ARFGEF2: variants seen among roughly 807,000 people sequenced by gnomAD.
The protein encoded by ARFGEF2 is ARF guanine nucleotide exchange factor 2, also known as brefeldin A-inhibited guanine nucleotide-exchange protein 2.
ARFGEF2 carries 74 observed loss-of-function variants against 219.9 expected under a neutral mutation model. The observed-to-expected ratio is 0.34, with a 90% CI of 0.28 to 0.41. The LOEUF (loss-of-function observed/expected upper bound fraction) is 0.41, where lower values mean the gene tolerates loss of function less well. ARFGEF2 is among the 10% of genes least tolerant of loss of function. The pLI is 1.00. For missense variants in ARFGEF2, 1,743 were observed against 2,218.3 expected (o/e 0.79, Z 4.30); for synonymous variants, 733 against 799.2 (o/e 0.92, Z 1.40).
chr20:48,982,723 A>G (rs1437156893), intron 14 of ARFGEF2, among the ~76,000 whole-genome samples: 1 of 152,170 alleles, frequency 6.6e-6, no homozygotes, highest in African/African-American at 2.4e-5. Context: ...TCCCCCTGCC[A>G]GGCTGCTGCC....
intron 30 of ARFGEF2, among the ~76,000 whole-genome samples, chr20:49,015,095 TTTTG>T (rs1391803317): frequency 6.6e-6 from 1 of 152,138 alleles, no homozygotes; most frequent in South Asian, 2.1e-4. Context: ...TTCTAGAATG[TTTTG>T]TTTGTTTGTT....
rs572731597 is a variant in ARFGEF2, at chr20:48,956,402, C to T, written c.838+2612C>T. On this transcript the variant is annotated intron_variant, in intron 6 of 38. Transcript: ENST00000371917. Reference sequence around the variant, plus strand: ...TGGACATCTGTGGTGGCTCACGCCTCCAATCCCAGCACTTTGGGAGGCCAA... The same window carrying T: ...TGGACATCTGTGGTGGCTCACGCCTTCAATCCCAGCACTTTGGGAGGCCAA... Among the ~76,000 whole-genome samples, 10 of 152,112 alleles carry T rather than the reference C, an allele frequency of 6.6e-5. No homozygotes were observed. In the South Asian group the frequency reaches 2.1e-3, roughly 32 times the overall value.
At chr20:48,986,098 G>A (rs938468220) in intron 16 of ARFGEF2, among the ~76,000 whole-genome samples, 6 of 152,274 alleles carry the variant, frequency 3.9e-5, no homozygotes, top group South Asian at 2.1e-4. Flanking sequence ...TGGGCGGTTC[G>A]TGATTTTGTA....
chr20:48,953,626 C>T lies in ARFGEF2; in HGVS notation c.674C>T (p.Ala225Val), dbSNP rs1420852191. ...KPQSPVIQAA[A>V]VSPKFVRLKH... ...CAGTCCCCTGTGATCCAAGCTGCAG[C>T]AGTATCCCCAAAGTTCGTTCGTTTG... is the stretch of plus-strand genomic sequence containing the variant. Residue 225 changes from alanine (A) to valine (V), a missense_variant, in exon 6 of 39, where the codon GCA becomes GTA. Coordinates refer to ENST00000371917, the MANE Select transcript of ARFGEF2 (RefSeq NM_006420.3). 5 of 1,614,166 alleles carry T rather than the reference C, an allele frequency of 3.1e-6. No homozygotes were observed. Among genetic ancestry groups the T allele is most frequent in the Non-Finnish European group, 4.2e-6 (5 of 1,180,040 alleles).
chr20:48,978,903 A>G (rs1246214064), intron 14 of ARFGEF2, among the ~76,000 whole-genome samples: 2 of 152,198 alleles, frequency 1.3e-5, no homozygotes, highest in South Asian at 2.1e-4. Flanking sequence ...TAAACATACA[A>G]TCATGTCATC....
At chr20:48,997,829 G>A (rs1449350306) in intron 23 of ARFGEF2, among the ~76,000 whole-genome samples, 1 of 152,036 alleles carries the variant, frequency 6.6e-6, no homozygotes. Flanking sequence ...GACAGAAGCA[G>A]AATTGCCCTC....
intron 21 of ARFGEF2, 150 bp downstream of exon 21, chr20:48,991,348 A>AT: frequency 2.5e-6 from 3 of 1,179,824 alleles, no homozygotes; most frequent in South Asian, 2.6e-5. Flanking sequence ...TGGGGCTGTG[A>AT]AAGGCGGGGG....
chr20:48,957,444 A>G (rs886720433), intron 6 of ARFGEF2, among the ~76,000 whole-genome samples: 1 of 152,238 alleles, frequency 6.6e-6, no homozygotes, highest in Non-Finnish European at 1.5e-5. Context: ...AGCCTATTCA[A>G]GGTGGCCCTC....
rs200238031 is a variant in ARFGEF2 at position 48,984,729 on chromosome 20, G to A, written c.1959G>A (p.Leu653=). Residue 653 remains leucine (L), a splice_region_variant and synonymous_variant, in exon 15 of 39, where the codon CTG becomes CTA. Transcript: ENST00000371917. ...TGTGTCCCATCTCTGCTTGAAACAG[G>A]TTCAACAAGAAACCCAAGAGGGGGA... The part of the protein sequence containing the change: ...QKEIIEHGIE[L]FNKKPKRGIQ... 12 of 1,614,022 alleles carry A rather than the reference G, an allele frequency of 7.4e-6. No individual in the cohort carries two copies. The highest frequency in any genetic ancestry group is 2.7e-5 in the African/African-American group (2 of 75,014).
In ARFGEF2 at chr20:49,025,258, C is replaced by T. The variant is rs143551002; in HGVS notation, c.4756-55C>T. The T allele has an allele frequency of 8.8e-4, 1,379 of 1,561,036 alleles. 1 individual carries two copies. Among genetic ancestry groups the T allele is most frequent in the Admixed American group, 1.3e-3 (70 of 53,374 alleles). On this transcript the variant is annotated intron_variant, in intron 35 of 38. Transcript: ENST00000371917. Reference sequence around the variant, plus strand: ...ACTGCCGTTGTCTGCAATCACAATGCCCAGAGCATTCCATCTTCTTCATTA... The same window carrying T: ...ACTGCCGTTGTCTGCAATCACAATGTCCAGAGCATTCCATCTTCTTCATTA...
At chr20:49,004,090 C>T (rs769868440) in intron 25 of ARFGEF2, among the ~76,000 whole-genome samples, 7 of 152,060 alleles carry the variant, frequency 4.6e-5, no homozygotes, top group East Asian at 3.8e-4. Context: ...CTCTGCCGGG[C>T]GTGGTGGCTT....
chr20:48,987,563 C>T (rs2123457609), intron 16 of ARFGEF2, among the ~76,000 whole-genome samples: 1 of 152,198 alleles, frequency 6.6e-6, no homozygotes, highest in South Asian at 2.1e-4. Flanking sequence ...TAGCACAGTA[C>T]ATGGCACAAA....
chr20:48,947,608 C>T lies in ARFGEF2; in HGVS notation c.277-3715C>T, dbSNP rs147719307. Among the ~76,000 whole-genome samples, 502 of 152,134 alleles carry T rather than the reference C, an allele frequency of 3.3e-3. 3 individuals carry two copies. Among genetic ancestry groups the T allele is most frequent in the African/African-American group, 0.012 (479 of 41,502 alleles). On this transcript the variant is annotated intron_variant, in intron 3 of 38. Transcript: ENST00000371917. ...AGGCGCAGTAGCTCACGCCTGTAAT[C>T]CCAGCACTTTGGAAGGCCGAGGCAG...
At chr20:48,961,592 G>A (rs184215679) in intron 6 of ARFGEF2, among the ~76,000 whole-genome samples, 2 of 152,132 alleles carry the variant, frequency 1.3e-5, no homozygotes, top group African/African-American at 4.8e-5. Context: ...GGCTGAGCAC[G>A]GTGGCTCACA....
In ARFGEF2 at chr20:48,988,400, T is replaced by C. The variant is rs758072134; in HGVS notation, c.2361+12T>C. 6.2e-6 allele frequency: 10 copies of C among 1,611,888 alleles called. No individual in the cohort carries two copies. Among genetic ancestry groups the C allele is most frequent in the South Asian group, 5.5e-5 (5 of 91,052 alleles). On this transcript the variant is annotated intron_variant, in intron 17 of 38. Coordinates refer to ENST00000371917, the MANE Select transcript of ARFGEF2 (RefSeq NM_006420.3). Reference sequence around the variant, plus strand: ...TGCACAGTCCTCAGGTAAAGCACTTTAATGATTTACATGTTGTATTAGCTA... The same window carrying C: ...TGCACAGTCCTCAGGTAAAGCACTTCAATGATTTACATGTTGTATTAGCTA...
rs778874771 is a variant in ARFGEF2 at position 48,989,565 on chromosome 20, A to G, written c.2695A>G (p.Thr899Ala). ...CTTCCTTCCATGATAGCTGGTGTGG[A>G]CGCCACTATTGGCAGCCTACAGCAT... The part of the protein sequence containing the change: ...HVRPMFKLVW[T>A]PLLAAYSIGL... The change falls in exon 20 of 39, where the codon ACG becomes GCG. Residue 899 changes from threonine (T) to alanine (A), a missense_variant. By Grantham distance (58) the Thr-to-Ala change is moderately conservative. Transcript: ENST00000371917. 1 of 1,614,226 alleles carries G rather than the reference A, an allele frequency of 6.2e-7. No individual in the cohort carries two copies. The highest frequency in any genetic ancestry group is 1.3e-5 in the African/African-American group (1 of 75,062).
chr20:49,009,570 A>G (rs1441428619), intron 26 of ARFGEF2, among the ~76,000 whole-genome samples: 3 of 152,200 alleles, frequency 2.0e-5, no homozygotes, highest in Non-Finnish European at 4.4e-5. Flanking sequence ...TTTGTGAGAT[A>G]ATAAGGTTCC....
At chr20:48,949,504 C>G (rs2091051240) in intron 3 of ARFGEF2, among the ~76,000 whole-genome samples, 1 of 152,202 alleles carries the variant, frequency 6.6e-6, no homozygotes, top group Admixed American at 6.5e-5. Flanking sequence ...ACAGGCCACA[C>G]CCCTCACCTG....
At chr20:48,946,684 T>C (rs2091030323) in intron 3 of ARFGEF2, among the ~76,000 whole-genome samples, 1 of 151,192 alleles carries the variant, frequency 6.6e-6, no homozygotes, top group Admixed American at 6.6e-5. Context: ...TTTTTCTATT[T>C]TTTGTAAAGG....
Sources: gnomAD v4.1 joint callset for allele counts (sites outside exome capture counted in the v4.1 genomes callset) on GRCh38, gnomAD v4.1.1 for gene constraint, MANE v1.5 for transcripts, NCBI Gene and HGNC (gene_info 2026-07-23, HGNC 2026-07-21) for gene names.